The following ZFHX3 variants were observed in gnomAD, a reference collection of about 807,000 sequenced individuals.
ZFHX3 encodes zinc finger homeobox protein 3.
In ZFHX3, 42 loss-of-function variants were observed where a neutral mutation model predicts 279.1. That is an observed-to-expected ratio of 0.15 (90% CI 0.12 to 0.19). ZFHX3 has a LOEUF of 0.19. Ranked by LOEUF, ZFHX3 falls within the 10% of genes least tolerant of loss-of-function variation. The pLI is 1.00. For synonymous variants in ZFHX3, 2,293 were observed against 1,957.8 expected, an observed-to-expected ratio of 1.17 and a Z score of -4.52; for missense variants, 4,981 against 4,754.0, an observed-to-expected ratio of 1.05 and a Z score of -1.40.
intron 4 of ZFHX3, among the ~76,000 whole-genome samples, chr16:72,870,163 G>A (rs566363890): frequency 1.1e-4 from 16 of 150,526 alleles, no homozygotes; most frequent in Non-Finnish European, 1.3e-4. Flanking sequence ...AGGCCAAAGC[G>A]GGCAGATTGC....
chr16:73,205,798 C>T (rs909449472), intron 5 of ZFHX3, among the ~76,000 whole-genome samples: 2 of 152,180 alleles, frequency 1.3e-5, no homozygotes, highest in African/African-American at 4.8e-5. Flanking sequence ...AGAAAGAAAA[C>T]ATCAGCCTTG....
chr16:73,058,161 G>A (rs1965604869), intron 1 of ZFHX3, among the ~76,000 whole-genome samples: 1 of 144,002 alleles, frequency 6.9e-6, no homozygotes, highest in Non-Finnish European at 1.5e-5. Flanking sequence ...GCCTCGCCCC[G>A]GGCGCCTCCA....
chr16:73,551,675 G>C (rs892763020), intron 2 of ZFHX3, among the ~76,000 whole-genome samples: 2 of 152,148 alleles, frequency 1.3e-5, no homozygotes, highest in Non-Finnish European at 2.9e-5. Context: ...AAGCCATAAA[G>C]ATTACATCTC....
intron 1 of ZFHX3, among the ~76,000 whole-genome samples, chr16:73,876,991 T>C (rs556829260): frequency 3.4e-4 from 51 of 150,964 alleles, no homozygotes; most frequent in Non-Finnish European, 6.3e-4. Flanking sequence ...GAGTGAGAAA[T>C]CATGCTAAAT....
chr16:73,834,029 C>T (rs1961071747), intron 1 of ZFHX3, among the ~76,000 whole-genome samples: 1 of 151,966 alleles, frequency 6.6e-6, no homozygotes, highest in Non-Finnish European at 1.5e-5. Context: ...GCTATATAGT[C>T]TATTGATGCA....
At chr16:73,457,476 C>T (rs949028967) in intron 2 of ZFHX3, among the ~76,000 whole-genome samples, 1 of 152,142 alleles carries the variant, frequency 6.6e-6, no homozygotes, top group African/African-American at 2.4e-5. Context: ...CAGACACTTA[C>T]AAAACGAGGG....
At chr16:73,578,185 G>C (rs2051820688) in intron 2 of ZFHX3, among the ~76,000 whole-genome samples, 3 of 152,094 alleles carry the variant, frequency 2.0e-5, no homozygotes, top group Non-Finnish European at 1.5e-5. Flanking sequence ...GAAACATTTG[G>C]ACTGAGTTAA....
chr16:73,506,042 A>G (rs2019320437), intron 2 of ZFHX3, among the ~76,000 whole-genome samples: 1 of 152,218 alleles, frequency 6.6e-6, no homozygotes, highest in African/African-American at 2.4e-5. Context: ...GGGTTCAGAG[A>G]GAGAGGGACC....
intron 2 of ZFHX3, among the ~76,000 whole-genome samples, chr16:73,662,709 C>T (rs56269618): frequency 0.02 from 3,027 of 152,258 alleles, 96 homozygotes; most frequent in African/African-American, 0.069. Context: ...ATGCTGAAAG[C>T]GAACAATTTC....
chr16:73,347,928 G>A (rs2016152189), intron 3 of ZFHX3, among the ~76,000 whole-genome samples: 1 of 152,224 alleles, frequency 6.6e-6, no homozygotes, highest in Admixed American at 6.5e-5. Flanking sequence ...TGCACACACA[G>A]AAAGAGTGAA....
intron 2 of ZFHX3, among the ~76,000 whole-genome samples, chr16:73,531,584 A>C (rs1417029744): frequency 6.6e-6 from 1 of 151,498 alleles, no homozygotes; most frequent in Non-Finnish European, 1.5e-5. Context: ...GTATGGCAGC[A>C]CACGCCTATT....
chr16:73,047,177 T>C (rs189646608), intron 1 of ZFHX3, among the ~76,000 whole-genome samples: 1 of 152,314 alleles, frequency 6.6e-6, no homozygotes, highest in East Asian at 1.9e-4. Flanking sequence ...TTCCTCCTCC[T>C]AACAGGATAA....
chr16:73,566,967 G>C (rs988159858), intron 2 of ZFHX3, among the ~76,000 whole-genome samples: 2 of 152,078 alleles, frequency 1.3e-5, no homozygotes. Flanking sequence ...CCAAAGTGTT[G>C]GGATTACAGG....
chr16:73,749,278 T>G (rs2053734997), intron 1 of ZFHX3, among the ~76,000 whole-genome samples: 1 of 152,096 alleles, frequency 6.6e-6, no homozygotes, highest in Admixed American at 6.5e-5. Context: ...ATAATTCCTG[T>G]GCTTATCCTG....
intron 8 of ZFHX3, chr16:73,092,896 C>G: frequency 3.8e-6 from 2 of 519,500 alleles, no homozygotes; most frequent in Non-Finnish European, 7.7e-6. Flanking sequence ...GTGTGTCCCA[C>G]GCGCTCCTGT....
chr16:73,361,549 C>G (rs1257622261), intron 3 of ZFHX3, among the ~76,000 whole-genome samples: 1 of 152,162 alleles, frequency 6.6e-6, no homozygotes, highest in Admixed American at 6.5e-5. Flanking sequence ...TATTTTCTCT[C>G]TTAAATATAA....
At chr16:72,792,773 G>A (rs996265117) in intron 9 of ZFHX3, among the ~76,000 whole-genome samples, 7 of 152,086 alleles carry the variant, frequency 4.6e-5, no homozygotes, top group Non-Finnish European at 7.4e-5. Flanking sequence ...TTTTGCCACC[G>A]TAGCTCTCTC....
chr16:73,060,899 T>C (rs1965674938), upstream of ZFHX3: 1 of 152,232 alleles, frequency 6.6e-6, no homozygotes, highest in Admixed American at 6.5e-5. Flanking sequence ...GATTTTCCAA[T>C]GCTCTTAAGA....
At chr16:72,890,007 GA>G (rs1567567664) in intron 3 of ZFHX3, 45 bp from the exon 4 acceptor site, 1 of 1,553,386 alleles carries the variant, frequency 6.4e-7, no homozygotes, top group South Asian at 1.2e-5. Context: ...TAAGCCACTC[GA>G]AGCGGCCACT....
Sources: gnomAD v4.1 joint callset for allele counts (sites outside exome capture counted in the v4.1 genomes callset) on GRCh38, gnomAD v4.1.1 for gene constraint, MANE v1.5 for transcripts, NCBI Gene and HGNC (gene_info 2026-07-23, HGNC 2026-07-21) for gene names.